RBM34: variants seen among roughly 807,000 people sequenced by gnomAD.
RBM34 encodes RNA-binding protein 34.
RBM34 carries 39 observed loss-of-function variants against 44.6 expected under a neutral mutation model. That is an observed-to-expected ratio of 0.87 (90% CI 0.68 to 1.14). RBM34 has a LOEUF of 1.14. Ranked by LOEUF, RBM34 falls within the 50% of genes most tolerant of loss-of-function variation. RBM34 has a pLI of 0.00. For missense variants in RBM34, 572 were observed against 517.9 expected, an observed-to-expected ratio of 1.10 and a Z score of -1.01; for synonymous variants, 194 against 184.0, an observed-to-expected ratio of 1.05 and a Z score of -0.44.
chr1:235,145,378 A>G (rs1661860001), intron 6 of RBM34, among the ~76,000 whole-genome samples: 1 of 151,890 alleles, frequency 6.6e-6, no homozygotes, highest in African/African-American at 2.4e-5. Flanking sequence ...TCCGGGCTCA[A>G]GTGATCCTCC....
chr1:235,137,381 G>GT (rs1297800099), intron 8 of RBM34, among the ~76,000 whole-genome samples: 1 of 152,074 alleles, frequency 6.6e-6, no homozygotes, highest in African/African-American at 2.4e-5. Flanking sequence ...CTATGTTTTT[G>GT]TTTCTTTTTA....
rs971104364 is a variant in RBM34 at position 235,134,407 on chromosome 1, C to T, written c.1008+1245G>A. On this transcript the variant is annotated intron_variant, in intron 10 of 10. Transcript: ENST00000408888. ...AAGTCCTCACGTTAATCAATCCTCT[C>T]GCCTCAGCCCTCCAAAGTGCTGGGA... 2.0e-5 allele frequency among the ~76,000 whole-genome samples: 3 copies of T among 152,242 alleles called. 1 individual carries two copies. The highest frequency in any genetic ancestry group is 4.2e-4 in the South Asian group (2 of 4,818).
At chr1:235,146,440 G>A (rs1661911728) in intron 6 of RBM34, among the ~76,000 whole-genome samples, 1 of 152,116 alleles carries the variant, frequency 6.6e-6, no homozygotes, top group African/African-American at 2.4e-5. Flanking sequence ...AAAAAGGGAA[G>A]GTGTGGAGTA....
At chr1:235,145,242 A>G (rs1305160686) in intron 6 of RBM34, among the ~76,000 whole-genome samples, 1 of 151,606 alleles carries the variant, frequency 6.6e-6, no homozygotes, top group Non-Finnish European at 1.5e-5. Flanking sequence ...TAGAAATACC[A>G]CACTCAGGTT....
At position 235,161,084 on chromosome 1, in the gene RBM34, G is replaced by T. The variant is rs759023715; in HGVS notation, c.54-17C>A. On this transcript the variant is annotated splice_polypyrimidine_tract_variant and intron_variant, in intron 1 of 10. Coordinates refer to ENST00000408888, the MANE Select transcript of RBM34 (RefSeq NM_015014.4). Reference sequence around the variant, plus strand: ...GGATTCTCTCTAGAAATGGACGACAGAAACTCAGCCACGCCACGCACCACC... The same window carrying T: ...GGATTCTCTCTAGAAATGGACGACATAAACTCAGCCACGCCACGCACCACC... 1.2e-6 allele frequency: 2 copies of T among 1,610,054 alleles called. No homozygotes were observed. The highest frequency in any genetic ancestry group is 1.7e-5 in the Admixed American group (1 of 59,902).
intron 5 of RBM34, among the ~76,000 whole-genome samples, chr1:235,152,174 T>C (rs1475057816): frequency 6.6e-6 from 1 of 152,024 alleles, no homozygotes; most frequent in African/African-American, 2.4e-5. Context: ...GAAAACCAAA[T>C]ATAAATGATA....
At chr1:235,157,954 GGA>G (rs1662521888) in intron 3 of RBM34, among the ~76,000 whole-genome samples, 2 of 152,098 alleles carry the variant, frequency 1.3e-5, no homozygotes, top group African/African-American at 4.8e-5. Context: ...TCAAGAGAAG[GGA>G]GAGAGTACAA....
chr1:235,160,195 T>G, intron 3 of RBM34: 1 of 467,256 alleles, frequency 2.1e-6, no homozygotes. Flanking sequence ...GAGGTTGCAG[T>G]GAGCTGAGAT....
In RBM34 at chr1:235,138,155, G is replaced by T; in HGVS notation, c.721C>A (p.Gln241Lys). 1 of 1,595,436 alleles carries T rather than the reference G, an allele frequency of 6.3e-7. No homozygotes were observed. The highest frequency in any genetic ancestry group is 8.5e-7 in the Non-Finnish European group (1 of 1,172,884). The change falls in exon 7 of 11, where the codon CAG becomes AAG. Residue 241 changes from glutamine to lysine, a missense_variant. Transcript: ENST00000408888. ...ACAACATAGGCATTAATATTTTTCTGATCAGGATGAATTTTACGTCTACAC... is the reference window on the plus strand; with the variant it reads ...ACAACATAGGCATTAATATTTTTCTTATCAGGATGAATTTTACGTCTACAC... ...AAIKRKIHPD[Q>K]KNINAYVVFK...
chr1:235,143,324 AC>A (rs1661762737), intron 6 of RBM34, among the ~76,000 whole-genome samples: 1 of 152,378 alleles, frequency 6.6e-6, no homozygotes, highest in African/African-American at 2.4e-5. Flanking sequence ...GTTACAATAT[AC>A]CGTAAGATCT....
chr1:235,149,114 C>T (rs1366980676), intron 5 of RBM34, among the ~76,000 whole-genome samples: 7 of 151,632 alleles, frequency 4.6e-5, no homozygotes, highest in South Asian at 2.1e-4. Context: ...AAAGGCCGGG[C>T]GCGGTGGCTC....
intron 10 of RBM34, among the ~76,000 whole-genome samples, chr1:235,135,441 C>T (rs1001271627): frequency 6.6e-6 from 1 of 151,970 alleles, no homozygotes; most frequent in African/African-American, 2.4e-5. Context: ...GTGGGCCAGG[C>T]TGGTCTCAAA....
chr1:235,142,475 C>A (rs1394998228), intron 6 of RBM34, among the ~76,000 whole-genome samples: 2 of 149,956 alleles, frequency 1.3e-5, no homozygotes, highest in Non-Finnish European at 3.0e-5. Flanking sequence ...GACGGGGTTT[C>A]ACCACGTTGG....
At position 235,137,848 on chromosome 1, in the gene RBM34, G is replaced by T. The variant is rs761826860; in HGVS notation, c.849+29C>A. On this transcript the variant is annotated intron_variant, in intron 8 of 10. Transcript: ENST00000408888. ...AAACATTTCTCTCTACAAAGCTCTC[G>T]TTCTTTAAACAAATCAAGTACTACT... 2.6e-6 allele frequency: 4 copies of T among 1,521,316 alleles called. No individual in the cohort carries two copies. The Admixed American group carries it at 5.3e-5, about 20-fold the overall frequency. 94.2% of individuals were successfully genotyped at this position (1,521,316 alleles called of 1,614,324 possible). A position where few individuals can be genotyped will look rare whatever the true frequency, so the allele number is the denominator to read the frequency against.
At chr1:235,153,696 G>C (rs965893879) in intron 4 of RBM34, among the ~76,000 whole-genome samples, 9 of 152,206 alleles carry the variant, frequency 5.9e-5, no homozygotes, top group African/African-American at 1.9e-4. Context: ...AGAGTGCTGG[G>C]ATTACAGGTG....
chr1:235,149,670 T>C (rs1475007289), intron 5 of RBM34, among the ~76,000 whole-genome samples: 1 of 152,108 alleles, frequency 6.6e-6, no homozygotes, highest in African/African-American at 2.4e-5. Flanking sequence ...GAAAACTTTA[T>C]GGAAGAGGCA....
chr1:235,139,632 A>G (rs573258085), intron 6 of RBM34, among the ~76,000 whole-genome samples: 4 of 152,270 alleles, frequency 2.6e-5, no homozygotes, highest in African/African-American at 9.6e-5. Flanking sequence ...TTCCGCTTCC[A>G]CCTAGAATGT....
At chr1:235,155,822 C>CATATATATATATATATATATATAT (rs1172462826) in intron 3 of RBM34, among the ~76,000 whole-genome samples, 6 of 64,172 alleles carry the variant, frequency 9.3e-5, no homozygotes, top group South Asian at 3.2e-4. Flanking sequence ...CATACATATA[C>CATATATATATATATATATATATAT]ATATATATAT....
At chr1:235,149,076 G>A (rs773536978) in intron 5 of RBM34, among the ~76,000 whole-genome samples, 4 of 151,802 alleles carry the variant, frequency 2.6e-5, no homozygotes, top group African/African-American at 4.8e-5. Flanking sequence ...AGACACCGAC[G>A]ATGAAAGACA....
Sources: gnomAD v4.1 joint callset for allele counts (sites outside exome capture counted in the v4.1 genomes callset) on GRCh38, gnomAD v4.1.1 for gene constraint, MANE v1.5 for transcripts, NCBI Gene and HGNC (gene_info 2026-07-23, HGNC 2026-07-21) for gene names.